Variants in AK5 observed in about 807,000 individuals in gnomAD.
The protein encoded by AK5 is adenylate kinase isoenzyme 5.
In AK5, 27 loss-of-function variants were observed where a neutral mutation model predicts 69.5. The observed-to-expected ratio is 0.39, with a 90% CI of 0.29 to 0.54. The LOEUF is 0.54. Among genes scored for constraint, AK5 ranks in the 20% least tolerant of loss-of-function variants. The pLI is 0.71. For synonymous variants in AK5, 260 were observed against 244.4 expected, an observed-to-expected ratio of 1.06 and a Z score of -0.60; for missense variants, 531 against 700.4, an observed-to-expected ratio of 0.76 and a Z score of 2.73.
chr1:77,519,789 C>G (rs1657879571), intron 11 of AK5, among the ~76,000 whole-genome samples: 1 of 151,924 alleles, frequency 6.6e-6, no homozygotes, highest in South Asian at 2.1e-4. Flanking sequence ...CCAGAGGTCA[C>G]CCTTGTTGCC....
intron 8 of AK5, among the ~76,000 whole-genome samples, chr1:77,435,452 A>T (rs542688056): frequency 8.0e-4 from 122 of 152,224 alleles, no homozygotes; most frequent in African/African-American, 2.8e-3. Context: ...GACCGAGACC[A>T]TCGTGGCCTA....
chr1:77,297,554 A>G lies in AK5; in HGVS notation c.416-5A>G, dbSNP rs752573227. The G allele has an allele frequency of 1.3e-6, 2 of 1,596,104 alleles. No homozygotes were observed. Among genetic ancestry groups the G allele is most frequent in the African/African-American group, 2.7e-5 (2 of 73,998 alleles). ...GATCACAGTTTTGCCTGTTTTAAATACTAGGTGGTCCAGGAAGTGGAAAGG... is the reference window on the plus strand; with the variant it reads ...GATCACAGTTTTGCCTGTTTTAAATGCTAGGTGGTCCAGGAAGTGGAAAGG... On this transcript the variant is annotated splice_region_variant and splice_polypyrimidine_tract_variant and intron_variant, in intron 3 of 13. Coordinates refer to ENST00000354567, the MANE Select transcript of AK5 (RefSeq NM_174858.3).
At chr1:77,440,934 A>G (rs2100635273) in intron 8 of AK5, among the ~76,000 whole-genome samples, 1 of 152,232 alleles carries the variant, frequency 6.6e-6, no homozygotes, top group African/African-American at 2.4e-5. Flanking sequence ...TTTTTAGTAG[A>G]GACGGGGTTT....
intron 6 of AK5, among the ~76,000 whole-genome samples, chr1:77,364,258 A>C (rs1437238834): frequency 6.6e-6 from 1 of 152,186 alleles, no homozygotes; most frequent in African/African-American, 2.4e-5. Flanking sequence ...TTGACATATA[A>C]TAATTGTACA....
At chr1:77,350,609 T>C (rs1662140606) in intron 6 of AK5, among the ~76,000 whole-genome samples, 2 of 152,314 alleles carry the variant, frequency 1.3e-5, no homozygotes, top group Middle Eastern at 6.8e-3. Context: ...CACAAGGTTT[T>C]ACTTCTCCAT....
chr1:77,322,318 T>C (rs1167213), intron 5 of AK5, among the ~76,000 whole-genome samples: 147,751 of 151,832 alleles, frequency 0.97, 72,031 homozygotes, highest in East Asian at 1. Flanking sequence ...AAATTCTTTC[T>C]CTTCATTCTT....
At chr1:77,541,662 A>C (rs1488750427) in intron 13 of AK5, among the ~76,000 whole-genome samples, 1 of 152,202 alleles carries the variant, frequency 6.6e-6, no homozygotes, top group South Asian at 2.1e-4. Flanking sequence ...AGCAGGCCCT[A>C]GAAGGCGTGT....
intron 6 of AK5, among the ~76,000 whole-genome samples, chr1:77,407,798 G>A (rs1362196871): frequency 6.6e-6 from 1 of 151,948 alleles, no homozygotes; most frequent in Non-Finnish European, 1.5e-5. Context: ...CCCCTCTCTA[G>A]TAGTCCCCAG....
intron 9 of AK5, among the ~76,000 whole-genome samples, chr1:77,485,559 A>G (rs1655535320): frequency 6.6e-6 from 1 of 152,248 alleles, no homozygotes; most frequent in South Asian, 2.1e-4. Context: ...AATGTAAAAT[A>G]ACATTATTTG....
chr1:77,428,406 A>G (rs1045636675), intron 8 of AK5, among the ~76,000 whole-genome samples: 6 of 152,338 alleles, frequency 3.9e-5, no homozygotes, highest in South Asian at 4.2e-4. Context: ...ATCCAGAGGA[A>G]CAAATGCCCC....
In AK5 at chr1:77,501,970, A is replaced by G. The variant is rs1295765465; in HGVS notation, c.1147+15618A>G. Among the ~76,000 whole-genome samples, 4 of 152,202 alleles carry G rather than the reference A, an allele frequency of 2.6e-5. No homozygotes were observed. The East Asian group carries it at 7.7e-4, about 29-fold the overall frequency. ...TCTAGCTTAATTCCCTAATCAAGTC[A>G]AGAAGTGAGTCTTGAACATCACTGA... On this transcript the variant is annotated intron_variant, in intron 10 of 13. Coordinates refer to ENST00000354567, the MANE Select transcript of AK5 (RefSeq NM_174858.3).
At chr1:77,503,129 A>C (rs1032281438) in intron 10 of AK5, among the ~76,000 whole-genome samples, 21 of 152,314 alleles carry the variant, frequency 1.4e-4, no homozygotes, top group Non-Finnish European at 1.5e-5. Flanking sequence ...CTAGTACATA[A>C]TTAAAATCAC....
intron 13 of AK5, among the ~76,000 whole-genome samples, chr1:77,544,423 A>C (rs1483345981): frequency 6.6e-6 from 1 of 152,224 alleles, no homozygotes; most frequent in East Asian, 1.9e-4. Flanking sequence ...AAATTTTTTC[A>C]CTTTTGACCG....
chr1:77,489,579 CAG>C (rs1467755749), intron 10 of AK5, among the ~76,000 whole-genome samples: 6 of 152,178 alleles, frequency 3.9e-5, no homozygotes, highest in Non-Finnish European at 7.3e-5. Flanking sequence ...TTCAGTGAAA[CAG>C]AGTGGTTTTG....
chr1:77,472,634 G>A (rs1654587246), intron 8 of AK5, among the ~76,000 whole-genome samples: 1 of 151,990 alleles, frequency 6.6e-6, no homozygotes, highest in African/African-American at 2.4e-5. Context: ...TGTAATCCCA[G>A]GACTTTGGGA....
chr1:77,368,302 A>ATG (rs1491255131), intron 6 of AK5, among the ~76,000 whole-genome samples: 9 of 98,184 alleles, frequency 9.2e-5, no homozygotes, highest in South Asian at 6.8e-4. Context: ...TGTTATATAT[A>ATG]ATATATATGT....
chr1:77,356,778 C>T (rs2100425527), intron 6 of AK5, among the ~76,000 whole-genome samples: 2 of 152,270 alleles, frequency 1.3e-5, no homozygotes, highest in South Asian at 4.1e-4. Context: ...CTTTCACATA[C>T]TGATTCTTTC....
chr1:77,504,422 T>G (rs992897335), intron 10 of AK5, among the ~76,000 whole-genome samples: 3 of 123,328 alleles, frequency 2.4e-5, no homozygotes, highest in Admixed American at 1.8e-4. Context: ...CCTCTTAGTT[T>G]TTTTCTGTGT....
At chr1:77,376,357 T>G (rs1205044692) in intron 6 of AK5, among the ~76,000 whole-genome samples, 2 of 136,428 alleles carry the variant, frequency 1.5e-5, no homozygotes, top group Admixed American at 8.7e-5. Context: ...TGCCAGAGAT[T>G]AGAGAAAGTG....
Sources: allele counts gnomAD v4.1 joint callset (sites outside exome capture counted in the v4.1 genomes callset), GRCh38; gene constraint gnomAD v4.1.1; transcripts MANE v1.5; gene names NCBI Gene and HGNC (gene_info 2026-07-23, HGNC 2026-07-21).